SH3GL3: variants seen among roughly 807,000 people sequenced by gnomAD.
SH3GL3 encodes endophilin-A3.
In SH3GL3, 33 loss-of-function variants were observed where a neutral mutation model predicts 47.7. The ratio of observed to expected loss-of-function variants is 0.69; its 90% CI spans 0.52 to 0.92. The LOEUF is 0.92. Among genes scored for constraint, SH3GL3 ranks in the 40% least tolerant of loss-of-function variants. The pLI is 0.00. For synonymous variants in SH3GL3, 155 were observed against 148.8 expected, an observed-to-expected ratio of 1.04 and a Z score of -0.30; for missense variants, 363 against 417.8, an observed-to-expected ratio of 0.87 and a Z score of 1.14.
intron 1 of SH3GL3, among the ~76,000 whole-genome samples, chr15:83,493,467 C>T (rs927525121): frequency 2.6e-5 from 4 of 152,186 alleles, no homozygotes; most frequent in Admixed American, 2.0e-4. Flanking sequence ...GCCATGTTAC[C>T]GTGACACATC....
chr15:83,572,886 C>A (rs1024982668), intron 5 of SH3GL3, among the ~76,000 whole-genome samples, 188 bp downstream of exon 5: 1 of 151,838 alleles, frequency 6.6e-6, no homozygotes, highest in African/African-American at 2.4e-5. Context: ...CCTATCTGCC[C>A]TGGAGATGAA....
In SH3GL3 at chr15:83,527,724, A is replaced by G. The variant is rs1596185153; in HGVS notation, c.46-31529A>G. ...GTTTACTTTCAAGGTTATTATTGATATGCGAGGACTTATTGTCATAATTTT... is the reference window on the plus strand; with the variant it reads ...GTTTACTTTCAAGGTTATTATTGATGTGCGAGGACTTATTGTCATAATTTT... On this transcript the variant is annotated intron_variant, in intron 1 of 8. Coordinates refer to ENST00000427482, the MANE Select transcript of SH3GL3 (RefSeq NM_003027.5). Among the ~76,000 whole-genome samples the G allele has an allele frequency of 3.3e-5, 5 of 152,290 alleles. No homozygotes were observed. In the South Asian group the frequency reaches 1.0e-3, roughly 32 times the overall value.
At chr15:83,530,661 A>T (rs1177329039) in intron 1 of SH3GL3, among the ~76,000 whole-genome samples, 2 of 151,000 alleles carry the variant, frequency 1.3e-5, no homozygotes, top group African/African-American at 4.9e-5. Flanking sequence ...ATTTTCTGGG[A>T]TTATGTCCCA....
At chr15:83,624,243 G>A in the SH3GL3 span, among the ~76,000 whole-genome samples, 4 of 152,158 alleles carry the variant, frequency 2.6e-5, no homozygotes, top group East Asian at 7.7e-4. Flanking sequence ...GGTCCCAGTA[G>A]ACTCACCCAG....
At chr15:83,560,156 G>C (rs933477992) in intron 2 of SH3GL3, among the ~76,000 whole-genome samples, 2 of 152,132 alleles carry the variant, frequency 1.3e-5, no homozygotes, top group Non-Finnish European at 2.9e-5. Context: ...ATGAAGCAAG[G>C]CATCCACCCT....
chr15:83,543,187 AGGG>A (rs2044247489), intron 1 of SH3GL3, among the ~76,000 whole-genome samples: 1 of 152,082 alleles, frequency 6.6e-6, no homozygotes, highest in South Asian at 2.1e-4. Flanking sequence ...TTTATAATGA[AGGG>A]ACATTGAATT....
At chr15:83,578,209 C>T (rs2059736374) in intron 6 of SH3GL3, among the ~76,000 whole-genome samples, 1 of 152,162 alleles carries the variant, frequency 6.6e-6, no homozygotes, top group Non-Finnish European at 1.5e-5. Context: ...GGCCTCCCTG[C>T]TCGGCCTTGG....
At chr15:83,592,484 G>A (rs1044235236) in intron 8 of SH3GL3, among the ~76,000 whole-genome samples, 2 of 151,068 alleles carry the variant, frequency 1.3e-5, no homozygotes, top group African/African-American at 4.9e-5. Flanking sequence ...GGCTCGTGCA[G>A]TAGTCAAAAT....
intron 4 of SH3GL3, among the ~76,000 whole-genome samples, chr15:83,571,728 A>T (rs2045825683): frequency 6.6e-6 from 1 of 152,112 alleles, no homozygotes; most frequent in African/African-American, 2.4e-5. Context: ...AAATGGAGCA[A>T]CCCAATCTCC....
intron 1 of SH3GL3, among the ~76,000 whole-genome samples, chr15:83,511,449 C>T (rs980487365): frequency 1.4e-4 from 22 of 152,124 alleles, no homozygotes; most frequent in African/African-American, 4.6e-4. Context: ...TCTGAATTTA[C>T]GTGACGTCAG....
chr15:83,456,732 C>T (rs917503071), intron 1 of SH3GL3, among the ~76,000 whole-genome samples: 6 of 149,750 alleles, frequency 4.0e-5, no homozygotes, highest in African/African-American at 9.8e-5. Flanking sequence ...GAGATGAACC[C>T]GGTACCTCAG....
chr15:83,519,726 G>A (rs994104637), intron 1 of SH3GL3, among the ~76,000 whole-genome samples: 3 of 152,136 alleles, frequency 2.0e-5, no homozygotes, highest in African/African-American at 4.8e-5. Context: ...TTGGTCAGTG[G>A]AAGTTCTTAA....
At chr15:83,537,818 A>G (rs994428725) in intron 1 of SH3GL3, among the ~76,000 whole-genome samples, 6 of 152,074 alleles carry the variant, frequency 3.9e-5, no homozygotes, top group African/African-American at 1.2e-4. Flanking sequence ...CTCACCATTT[A>G]TGATCTGTCA....
chr15:83,508,134 G>T (rs981152823), intron 1 of SH3GL3, among the ~76,000 whole-genome samples: 2 of 151,982 alleles, frequency 1.3e-5, no homozygotes, highest in Admixed American at 6.6e-5. Context: ...TAGAGACGGG[G>T]TTTCACCATG....
At chr15:83,594,744 T>G (rs1306810783) in intron 8 of SH3GL3, among the ~76,000 whole-genome samples, 2 of 152,146 alleles carry the variant, frequency 1.3e-5, no homozygotes, top group Admixed American at 6.6e-5. Flanking sequence ...TAGACTGGAG[T>G]TATGAGTTTC....
intron 1 of SH3GL3, among the ~76,000 whole-genome samples, chr15:83,518,340 T>C (rs1458907218): frequency 6.6e-6 from 1 of 152,224 alleles, no homozygotes; most frequent in African/African-American, 2.4e-5. Context: ...GTCGAACTAA[T>C]TTGCATTCCC....
chr15:83,610,509 A>C lies in SH3GL3; in HGVS notation c.839-7573A>C, dbSNP rs114509997. ...CAGGGCACTGTACTGCAGCTCGAGGAACAGAGCAAGACAGTCTCAAAAAAG... is the reference window on the plus strand; with the variant it reads ...CAGGGCACTGTACTGCAGCTCGAGGCACAGAGCAAGACAGTCTCAAAAAAG... On this transcript the variant is annotated intron_variant, in intron 8 of 8. Coordinates refer to ENST00000427482, the MANE Select transcript of SH3GL3 (RefSeq NM_003027.5). Among the ~76,000 whole-genome samples, 87 of 152,292 alleles carry C rather than the reference A, an allele frequency of 5.7e-4. 1 individual carries two copies. Among genetic ancestry groups the C allele is most frequent in the African/African-American group, 2.0e-3 (84 of 41,542 alleles).
At chr15:83,620,273 C>A (rs2151856856), downstream of SH3GL3, among the ~76,000 whole-genome samples, 1 of 152,318 alleles carries the variant, frequency 6.6e-6, no homozygotes, top group South Asian at 2.1e-4. Context: ...GACTTCCTCC[C>A]ATGAATCACA....
chr15:83,537,221 G>A (rs1430533960), intron 1 of SH3GL3, among the ~76,000 whole-genome samples: 1 of 152,156 alleles, frequency 6.6e-6, no homozygotes, highest in Non-Finnish European at 1.5e-5. Flanking sequence ...CTGTTGGAAT[G>A]TTGGGAAAGA....
Sources: gnomAD v4.1 joint callset for allele counts (sites outside exome capture counted in the v4.1 genomes callset) on GRCh38, gnomAD v4.1.1 for gene constraint, MANE v1.5 for transcripts, NCBI Gene and HGNC (gene_info 2026-07-23, HGNC 2026-07-21) for gene names.